The following TCEAL4 variants were observed in gnomAD, a reference collection of about 807,000 sequenced individuals.
The protein encoded by TCEAL4 is transcription elongation factor A like 4, also known as transcription elongation factor A protein-like 4.
TCEAL4 carries 1 observed loss-of-function variant against 1.3 expected under a neutral mutation model. That is an observed-to-expected ratio of 0.79 (90% CI 0.28 to 3.76). The LOEUF is 3.76. TCEAL4 is among the 30% of genes most tolerant of loss of function. The pLI, the probability that TCEAL4 is intolerant of heterozygous loss-of-function variation, is 0.18. For missense variants in TCEAL4, 129 were observed against 154.7 expected (o/e 0.83, Z 0.88); for synonymous variants, 54 against 50.7 (o/e 1.06, Z -0.28).
chrX:103,576,301 G>A, exon 1 of TCEAL4: 1 of 649,759 alleles, frequency 1.5e-6, no homozygotes, highest in Non-Finnish European at 2.3e-6. Flanking sequence ...GGCTTTGTGG[G>A]ATATCTATTT....
At position 103,586,980 on chromosome X, in the gene TCEAL4, G is replaced by A. The variant is rs758308049; in HGVS notation, c.305G>A (p.Ser102Asn). 8 of 1,208,929 alleles carry A rather than the reference G, an allele frequency of 6.6e-6. No homozygotes were observed. In the East Asian group the frequency reaches 2.4e-4, roughly 36 times the overall value. Reference protein sequence around the residue: ...GKPEIEGKPESEGEPGSETRA... With the variant: ...GKPEIEGKPENEGEPGSETRA... ...CCAGAGATAGAGGGAAAGCCAGAGA[G>A]TGAAGGAGAGCCAGGGAGTGAAACA... Residue 102 changes from serine (S) to asparagine (N), a missense_variant, in exon 3 of 3, where the codon AGT becomes AAT. Physicochemically the swap from Ser to Asn is conservative, Grantham distance 46 (BLOSUM62 1). Around this residue, in one of 2 missense-constraint regions of TCEAL4, gnomAD observed 116 missense variants for 120.3 expected, o/e 0.96. Transcript: ENST00000472484.
upstream of TCEAL4, among the ~76,000 whole-genome samples, chrX:103,583,392 G>A (rs1263956249): frequency 2.7e-5 from 3 of 111,875 alleles, no homozygotes; most frequent in East Asian, 8.4e-4. Context: ...AAATCATTCT[G>A]TTATAAGGAT....
chrX:103,584,626 T>C (rs780269946), upstream of TCEAL4, among the ~76,000 whole-genome samples: 11 of 112,010 alleles, frequency 9.8e-5, no homozygotes, highest in Non-Finnish European at 2.1e-4. Flanking sequence ...ATAAACGGAG[T>C]CTACCCATAA....
At chrX:103,585,695 G>A (rs954268694) in intron 1 of TCEAL4, 71 bp downstream of exon 1, 18 of 1,165,124 alleles carry the variant, frequency 1.5e-5, no homozygotes, top group South Asian at 3.8e-5. Flanking sequence ...TACGGCAGGG[G>A]GAAAGGCTGG....
intron 2 of TCEAL4, among the ~76,000 whole-genome samples, chrX:103,580,457 A>T (rs1483356311): frequency 9.0e-6 from 1 of 111,593 alleles, no homozygotes; most frequent in Non-Finnish European, 1.9e-5. Flanking sequence ...GAATCTTTTT[A>T]ACATAAATTT....
At chrX:103,576,516 C>A (rs780540595) in exon 1 of TCEAL4, 1 of 1,132,744 alleles carries the variant, frequency 8.8e-7, no homozygotes, top group South Asian at 1.9e-5. Context: ...GTAATCCCAG[C>A]GTTTTGGGAG....
chrX:103,583,937 T>C (rs781642640), upstream of TCEAL4, among the ~76,000 whole-genome samples: 8 of 112,115 alleles, frequency 7.1e-5, no homozygotes, highest in Non-Finnish European at 1.3e-4. Flanking sequence ...AATATTAATT[T>C]TTTTTTTTGA....
chrX:103,585,470 G>C (rs947760096), upstream of TCEAL4: 9 of 1,089,605 alleles, frequency 8.3e-6, no homozygotes, highest in African/African-American at 3.8e-5. Flanking sequence ...TAGGAGGCGG[G>C]GCGTGGGGCG....
At chrX:103,577,451 A>G (rs1205044104) in intron 2 of TCEAL4, among the ~76,000 whole-genome samples, 2 of 112,068 alleles carry the variant, frequency 1.8e-5, no homozygotes, top group Non-Finnish European at 3.8e-5. Flanking sequence ...AGAACAGTAT[A>G]TACAGTACAA....
At chrX:103,585,890 T>C (rs1389886708) in intron 1 of TCEAL4, 3 of 1,053,993 alleles carry the variant, frequency 2.8e-6, no homozygotes, top group African/African-American at 3.9e-5. Context: ...CCGTCCATTT[T>C]GGAGCCGGAG....
rs78699528 is a variant in TCEAL4 at position 103,579,746 on chromosome X, G to A, written c.183+2533G>A. ...AGTTTTACTTCTTTCCTTTCAACCCGGATGCCTTTTATTTCATGTCTCTTG... is the reference window on the plus strand; with the variant it reads ...AGTTTTACTTCTTTCCTTTCAACCCAGATGCCTTTTATTTCATGTCTCTTG... On this transcript the variant is annotated intron_variant, in intron 2 of 4. Transcript: ENST00000372629. 7.2e-5 allele frequency among the ~76,000 whole-genome samples: 8 copies of A among 111,703 alleles called. No individual in the cohort carries two copies. In the East Asian group the frequency reaches 1.1e-3, roughly 16 times the overall value.
chrX:103,580,788 A>G (rs1237261211), upstream of TCEAL4, among the ~76,000 whole-genome samples: 1 of 111,760 alleles, frequency 8.9e-6, no homozygotes, highest in Non-Finnish European at 1.9e-5. Context: ...TCAAAAAGCT[A>G]GAAAGATATC....
intron 1 of TCEAL4, among the ~76,000 whole-genome samples, chrX:103,576,909 A>G (rs954318231): frequency 5.3e-5 from 6 of 112,407 alleles, no homozygotes; most frequent in Admixed American, 2.8e-4. Flanking sequence ...TGTCAATCAA[A>G]GAGCAAATAT....
At chrX:103,576,952 G>A (rs2073486443) in intron 1 of TCEAL4, 3 of 733,713 alleles carry the variant, frequency 4.1e-6, no homozygotes, top group Admixed American at 3.8e-5. Context: ...TTCAGGGTAG[G>A]AAGAATTGTT....
chrX:103,580,836 G>C (rs777399650), upstream of TCEAL4, among the ~76,000 whole-genome samples: 14 of 111,196 alleles, frequency 1.3e-4, no homozygotes, highest in African/African-American at 3.9e-4. Context: ...AAGAGCTAGA[G>C]AACCAAGAGC....
At chrX:103,585,507 C>T (rs1036248246), upstream of TCEAL4, 2 of 1,129,822 alleles carry the variant, frequency 1.8e-6, no homozygotes, top group Non-Finnish European at 1.2e-6. Flanking sequence ...GCGGCATTCA[C>T]GTGATCTGCA....
At chrX:103,576,749 G>A (rs1217054376) in intron 1 of TCEAL4, among the ~76,000 whole-genome samples, 1 of 112,200 alleles carries the variant, frequency 8.9e-6, no homozygotes, top group East Asian at 2.8e-4. Context: ...GGGTGACAGA[G>A]CGAGACTGTC....
upstream of TCEAL4, among the ~76,000 whole-genome samples, chrX:103,583,975 T>C (rs1179614783): frequency 9.0e-6 from 1 of 111,708 alleles, no homozygotes; most frequent in East Asian, 2.8e-4. Flanking sequence ...TCGCCCAGAC[T>C]GGAGTGCAAT....
chrX:103,585,474 T>G (rs1045112534), upstream of TCEAL4: 6 of 1,085,141 alleles, frequency 5.5e-6, no homozygotes, highest in Admixed American at 9.5e-5. Context: ...AGGCGGGGCG[T>G]GGGGCGGTGG....
Sources: gnomAD v4.1 joint callset for allele counts (sites outside exome capture counted in the v4.1 genomes callset) on GRCh38, gnomAD v4.1.1 for gene constraint, gnomAD v4.1.1 regional missense constraint, MANE v1.5 for transcripts, NCBI Gene and HGNC (gene_info 2026-07-23, HGNC 2026-07-21) for gene names.